Variants in CDKAL1 observed in about 807,000 individuals in gnomAD.
The protein encoded by CDKAL1 is threonylcarbamoyladenosine tRNA methylthiotransferase.
CDKAL1 carries 32 observed loss-of-function variants against 68.2 expected under a neutral mutation model. The ratio of observed to expected loss-of-function variants is 0.47; its 90% CI spans 0.35 to 0.63. The LOEUF (loss-of-function observed/expected upper bound fraction) is 0.63, where lower values mean the gene tolerates loss of function less well. CDKAL1 is among the 30% of genes least tolerant of loss of function. The probability of loss-of-function intolerance (pLI) is 0.00; values close to 1 mark genes in which losing one functional copy is unlikely to be tolerated. For missense variants in CDKAL1, 606 were observed against 696.7 expected (o/e 0.87, Z 1.47); for synonymous variants, 234 against 244.3 (o/e 0.96, Z 0.39).
intron 11 of CDKAL1, among the ~76,000 whole-genome samples, chr6:21,048,555 A>G (rs1770372038): frequency 6.6e-6 from 1 of 152,016 alleles, no homozygotes; most frequent in African/African-American, 2.4e-5. Flanking sequence ...AGTATTATTT[A>G]TGATGATGCT....
chr6:20,681,743 A>G (rs1770386229), intron 5 of CDKAL1, among the ~76,000 whole-genome samples: 1 of 152,074 alleles, frequency 6.6e-6, no homozygotes, highest in Non-Finnish European at 1.5e-5. Context: ...GAAGCGAGAG[A>G]TGGGTGCATG....
At chr6:21,219,841 T>C (rs1463020692) in intron 15 of CDKAL1, among the ~76,000 whole-genome samples, 2 of 152,244 alleles carry the variant, frequency 1.3e-5, no homozygotes, top group Admixed American at 1.3e-4. Context: ...GGAACAATTA[T>C]TTTGAGTTGA....
In CDKAL1 at chr6:20,977,668, A is replaced by C. The variant is rs185063370; in HGVS notation, c.909+22083A>C. 2.0e-5 allele frequency among the ~76,000 whole-genome samples: 3 copies of C among 152,310 alleles called. No homozygotes were observed. The East Asian group carries it at 5.8e-4, about 29-fold the overall frequency. Reference sequence around the variant, plus strand: ...CAAGGTGGGCGGATCCCTTGAGCACAGGAGTTTGAGACCAGCCTGAGCAAC... The same window carrying C: ...CAAGGTGGGCGGATCCCTTGAGCACCGGAGTTTGAGACCAGCCTGAGCAAC... On this transcript the variant is annotated intron_variant, in intron 10 of 15. Transcript: ENST00000274695.
intron 5 of CDKAL1, among the ~76,000 whole-genome samples, chr6:20,673,021 C>A (rs1352301433): frequency 6.6e-6 from 1 of 152,218 alleles, no homozygotes; most frequent in Non-Finnish European, 1.5e-5. Context: ...AAGTGATCCA[C>A]CCGCCTTGGC....
intron 10 of CDKAL1, among the ~76,000 whole-genome samples, chr6:20,976,198 C>G (rs894903124): frequency 3.3e-5 from 5 of 152,142 alleles, no homozygotes; most frequent in African/African-American, 9.7e-5. Context: ...GGCCTCAGAA[C>G]TCATTTCTTT....
chr6:21,107,251 A>T (rs1773896637), intron 12 of CDKAL1, among the ~76,000 whole-genome samples: 1 of 151,548 alleles, frequency 6.6e-6, no homozygotes, highest in South Asian at 2.1e-4. Context: ...CCGGCCAAAA[A>T]AGCCACTTTT....
chr6:20,819,653 A>G (rs916055649), intron 8 of CDKAL1, among the ~76,000 whole-genome samples: 5 of 152,168 alleles, frequency 3.3e-5, no homozygotes, highest in African/African-American at 1.2e-4. Context: ...CTTGTGCTAT[A>G]TCGAACGCTT....
chr6:20,681,140 G>T (rs1770358220), intron 5 of CDKAL1, among the ~76,000 whole-genome samples: 1 of 152,148 alleles, frequency 6.6e-6, no homozygotes, highest in Non-Finnish European at 1.5e-5. Context: ...TACCCTAGTT[G>T]TTTCACTGTT....
Position 20,966,263 on chromosome 6 carries a change from A to G in CDKAL1, c.909+10678A>G, listed in dbSNP as rs114476975. On this transcript the variant is annotated intron_variant, in intron 10 of 15. Transcript: ENST00000274695. The stretch of plus-strand genomic sequence containing the variant: ...CTGTTCTCTACATCTTCCTGACCCT[A>G]CCACAGAAATGCTCCACTTGAAAAT... Among the ~76,000 whole-genome samples, 873 of 152,302 alleles carry G rather than the reference A, an allele frequency of 5.7e-3. 8 individuals are homozygous for G. The highest frequency in any genetic ancestry group is 0.019 in the African/African-American group (798 of 41,568).
chr6:20,959,930 T>C (rs1421054346), intron 10 of CDKAL1, among the ~76,000 whole-genome samples: 2 of 152,170 alleles, frequency 1.3e-5, no homozygotes, highest in African/African-American at 2.4e-5. Flanking sequence ...CCCAACAAGG[T>C]TCACATGAGA....
intron 9 of CDKAL1, among the ~76,000 whole-genome samples, chr6:20,904,318 T>C (rs552793023): frequency 4.6e-5 from 7 of 152,002 alleles, no homozygotes; most frequent in Non-Finnish European, 1.0e-4. Context: ...GGAGGATTGC[T>C]TGAGCTCAGA....
intron 5 of CDKAL1, among the ~76,000 whole-genome samples, chr6:20,667,834 T>G (rs571474877): frequency 7.2e-5 from 11 of 152,286 alleles, no homozygotes; most frequent in Non-Finnish European, 1.3e-4. Context: ...GTATACTCAT[T>G]ACCTAGATTT....
intron 11 of CDKAL1, among the ~76,000 whole-genome samples, chr6:21,049,916 T>A (rs1351350563): frequency 6.6e-6 from 1 of 152,164 alleles, no homozygotes; most frequent in Non-Finnish European, 1.5e-5. Context: ...TATTTAATAG[T>A]TGGAGTTTGT....
intron 9 of CDKAL1, among the ~76,000 whole-genome samples, chr6:20,946,176 C>T (rs1218220031): frequency 6.6e-6 from 1 of 152,204 alleles, no homozygotes; most frequent in Non-Finnish European, 1.5e-5. Flanking sequence ...CTTATAACAA[C>T]TTCCATTAAC....
rs931606458 is a variant in CDKAL1, at chr6:20,847,084, G to T, written c.742+906G>T. Among the ~76,000 whole-genome samples the T allele has an allele frequency of 5.3e-5, 8 of 152,222 alleles. No homozygotes were observed. The East Asian group carries it at 1.5e-3, about 29-fold the overall frequency. ...GTCTGTAGAAAACTTTTAGAAACATGAATTTGTAATGTTTCTCTTAATAGA... is the reference window on the plus strand; with the variant it reads ...GTCTGTAGAAAACTTTTAGAAACATTAATTTGTAATGTTTCTCTTAATAGA... On this transcript the variant is annotated intron_variant, in intron 9 of 15. Transcript: ENST00000274695.
Position 20,892,842 on chromosome 6 carries a change from A to G in CDKAL1, c.742+46664A>G, listed in dbSNP as rs111661261. Among the ~76,000 whole-genome samples, 271 of 152,326 alleles carry G rather than the reference A, an allele frequency of 1.8e-3. 2 individuals carry two copies. The highest frequency in any genetic ancestry group is 6.0e-3 in the African/African-American group (250 of 41,560). On this transcript the variant is annotated intron_variant, in intron 9 of 15. Coordinates refer to ENST00000274695, the MANE Select transcript of CDKAL1 (RefSeq NM_017774.3). Reference sequence around the variant, plus strand: ...AAGCAGTTGCCTTAAGCATCTGTCAATAGAATCTGATCAGATTGGTTAAAT... The same window carrying G: ...AAGCAGTTGCCTTAAGCATCTGTCAGTAGAATCTGATCAGATTGGTTAAAT...
rs142372202 is a variant in CDKAL1 at position 20,588,772 on chromosome 6, T to C, written c.286+40067T>C. Among the ~76,000 whole-genome samples, 183 of 152,328 alleles carry C rather than the reference T, an allele frequency of 1.2e-3. 1 individual carries two copies. Among genetic ancestry groups the C allele is most frequent in the African/African-American group, 4.3e-3 (180 of 41,586 alleles). On this transcript the variant is annotated intron_variant, in intron 4 of 15. Coordinates refer to ENST00000274695, the MANE Select transcript of CDKAL1 (RefSeq NM_017774.3). ...AGCTAGAGACCTCCTTTTAAAATAA[T>C]CTCATCTATTTTACATTTTAATGCT...
intron 9 of CDKAL1, among the ~76,000 whole-genome samples, chr6:20,900,641 C>T (rs1761916662): frequency 6.6e-6 from 1 of 152,196 alleles, no homozygotes; most frequent in Non-Finnish European, 1.5e-5. Flanking sequence ...TCAGATATGT[C>T]ACTTTTAAGC....
chr6:21,016,558 T>G (rs926257778), intron 11 of CDKAL1, among the ~76,000 whole-genome samples: 20 of 152,012 alleles, frequency 1.3e-4, no homozygotes, highest in Admixed American at 1.3e-3. Flanking sequence ...GGCCACCCCC[T>G]CCTCCTTAAA....
Sources: gnomAD v4.1 joint callset for allele counts (sites outside exome capture counted in the v4.1 genomes callset) on GRCh38, gnomAD v4.1.1 for gene constraint, MANE v1.5 for transcripts, NCBI Gene and HGNC (gene_info 2026-07-23, HGNC 2026-07-21) for gene names.